Variants in SPECC1 observed in about 807,000 individuals in gnomAD.
SPECC1 encodes the protein sperm antigen with calponin homology and coiled-coil domains 1.
A neutral mutation model predicts 104.1 loss-of-function variants in SPECC1; 62 were observed. The ratio of observed to expected loss-of-function variants is 0.60; its 90% CI spans 0.49 to 0.74. The LOEUF is 0.74. Among genes scored for constraint, SPECC1 ranks in the 30% least tolerant of loss-of-function variants. The pLI is 0.00. For synonymous variants in SPECC1, 513 were observed against 501.6 expected, an observed-to-expected ratio of 1.02 and a Z score of -0.30; for missense variants, 1,306 against 1,310.5, an observed-to-expected ratio of 1.00 and a Z score of 0.05.
chr17:20,206,876 A>G (rs2036819674), intron 4 of SPECC1, among the ~76,000 whole-genome samples: 1 of 152,232 alleles, frequency 6.6e-6, no homozygotes. Flanking sequence ...ACATTGTTAT[A>G]TCATTTAAAT....
At chr17:20,158,765 C>G (rs1047449849) in intron 3 of SPECC1, among the ~76,000 whole-genome samples, 1 of 152,020 alleles carries the variant, frequency 6.6e-6, no homozygotes, top group African/African-American at 2.4e-5. Context: ...TTTTTTTGTT[C>G]TGTTTTGTTT....
intron 2 of SPECC1, 117 bp from the exon 3 acceptor site, chr17:20,110,310 C>T (rs533552346): frequency 1.6e-5 from 20 of 1,226,290 alleles, no homozygotes; most frequent in Non-Finnish European, 2.1e-5. Flanking sequence ...ACTCAAAGTG[C>T]TGTTATTGTA....
At chr17:20,238,518 T>C (rs2039042979) in intron 7 of SPECC1, 2 of 1,042,010 alleles carry the variant, frequency 1.9e-6, no homozygotes, top group Non-Finnish European at 2.3e-6. Flanking sequence ...AAAAGGAAAA[T>C]TAGGAACAGG....
In SPECC1 at chr17:20,316,052, G is replaced by A. The variant is rs1385870051; in HGVS notation, c.*1987G>A. ...AGCCTGCGGGAGCTCCTGAGCAGCT[G>A]TTGGGCGATGGTCATTACATCACCC... On this transcript the variant is annotated 3_prime_UTR_variant, in exon 15 of 15. Transcript: ENST00000395527. 1.3e-5 allele frequency: 3 copies of A among 232,604 alleles called. No individual in the cohort carries two copies. The highest frequency in any genetic ancestry group is 5.6e-5 in the Admixed American group (1 of 17,768). The allele number at this position is 232,604 out of a possible 1,614,324, so 14.4% of individuals were successfully genotyped here.
chr17:20,114,489 CTGTTTTTTTTTT>C (rs200728251), intron 3 of SPECC1, among the ~76,000 whole-genome samples: 2,097 of 150,136 alleles, frequency 0.014, 52 homozygotes, highest in African/African-American at 0.047. Context: ...GGCGCCCAGC[CTGTTTTTTTTTT>C]TGTTTTTTTT....
chr17:20,098,207 C>A (rs1437870701), intron 2 of SPECC1, among the ~76,000 whole-genome samples: 1 of 152,176 alleles, frequency 6.6e-6, no homozygotes, highest in Non-Finnish European at 1.5e-5. Context: ...CCTGCTCCCC[C>A]AAATCTTCCC....
chr17:20,167,861 CTTAAT>C lies in SPECC1; in HGVS notation c.284-36466_284-36462del, dbSNP rs2033785773. 2.6e-5 allele frequency among the ~76,000 whole-genome samples: 4 copies of C among 152,092 alleles called. No homozygotes were observed. The South Asian group carries it at 6.2e-4, about 24-fold the overall frequency. ...ATAAGATATGTACAGATGATTATTT[CTTAAT>C]TTAATAATTAACATATGCTAGAAAA... On this transcript the variant is annotated intron_variant, in intron 3 of 14. Transcript: ENST00000395527.
chr17:20,059,753 T>G (rs2046113398), intron 1 of SPECC1, among the ~76,000 whole-genome samples: 1 of 152,190 alleles, frequency 6.6e-6, no homozygotes, highest in African/African-American at 2.4e-5. Context: ...TCCCAGCTAC[T>G]TGGGAGGCTA....
intron 7 of SPECC1, chr17:20,237,993 C>G: frequency 9.9e-7 from 1 of 1,007,500 alleles, no homozygotes. Context: ...CTGGCCGCCT[C>G]AGCCTCCCAA....
chr17:20,227,655 C>A, intron 5 of SPECC1, 35 bp downstream of exon 5: 1 of 1,592,952 alleles, frequency 6.3e-7, no homozygotes, highest in South Asian at 1.1e-5. Flanking sequence ...TGGCTCACAC[C>A]TATAATCCCA....
At position 20,317,735 on chromosome 17, in the gene SPECC1, C is replaced by A. The variant is rs763304201; in HGVS notation, c.*3670C>A. ...AGCAAGACCCTGTCACACACACACA[C>A]AAAAAAAAGAAATACAGGTGGTGTT... is the stretch of plus-strand genomic sequence containing the variant. On this transcript the variant is annotated 3_prime_UTR_variant, in exon 15 of 15. Transcript: ENST00000395527. 14 of 215,938 alleles carry A rather than the reference C, an allele frequency of 6.5e-5. No individual in the cohort carries two copies. Among genetic ancestry groups the A allele is most frequent in the Middle Eastern group, 1.4e-3 (1 of 700 alleles). 13.4% of individuals were successfully genotyped at this position (215,938 alleles called of 1,614,324 possible).
At chr17:20,137,241 C>T (rs1184230720) in intron 3 of SPECC1, among the ~76,000 whole-genome samples, 2 of 152,216 alleles carry the variant, frequency 1.3e-5, no homozygotes, top group African/African-American at 2.4e-5. Context: ...GAACCGTCCC[C>T]TTTCTTCTTC....
intron 1 of SPECC1, among the ~76,000 whole-genome samples, chr17:20,033,700 G>T (rs756601041): frequency 6.6e-6 from 1 of 152,120 alleles, no homozygotes; most frequent in Non-Finnish European, 1.5e-5. Context: ...TGCAAGAATG[G>T]CACCAAACCA....
Position 20,315,261 on chromosome 17 carries a change from A to AGG in SPECC1, c.*1199_*1200dup, listed in dbSNP as rs1244842498. On this transcript the variant is annotated 3_prime_UTR_variant, in exon 15 of 15. Coordinates refer to ENST00000395527, the MANE Select transcript of SPECC1 (RefSeq NM_001243439.2). ...TTTCATCGGCATGGGAAAAGCCCTT[A>AGG]GGGGTGGGCGGTGAGGGCACATTTA... The AGG allele has an allele frequency of 4.3e-6, 1 of 232,506 alleles. No homozygotes were observed. The highest frequency in any genetic ancestry group is 6.1e-5 in the East Asian group (1 of 16,502). 14.4% of individuals were successfully genotyped at this position (232,506 alleles called of 1,614,324 possible). A position where few individuals can be genotyped will look rare whatever the true frequency, so the allele number is the denominator to read the frequency against.
intron 3 of SPECC1, among the ~76,000 whole-genome samples, chr17:20,189,651 C>T (rs1298910792): frequency 6.6e-6 from 1 of 152,144 alleles, no homozygotes; most frequent in Non-Finnish European, 1.5e-5. Flanking sequence ...TGAGCCCCTT[C>T]TTAGTGTTAG....
At chr17:20,203,280 A>T (rs62778162) in intron 3 of SPECC1, among the ~76,000 whole-genome samples, 1 of 15,352 alleles carries the variant, frequency 6.5e-5, no homozygotes. Flanking sequence ...TTCAGTTTGT[A>T]AAAAAAAAAA....
intron 12 of SPECC1, among the ~76,000 whole-genome samples, chr17:20,274,593 G>A (rs990607224): frequency 7.1e-5 from 10 of 140,512 alleles, no homozygotes; most frequent in Admixed American, 1.6e-4. Flanking sequence ...TGATTCTCCT[G>A]CCTCAGCCTC....
rs1252856974 is a variant in SPECC1 at position 20,119,235 on chromosome 17, A to AT, written c.283+8680dup. On this transcript the variant is annotated intron_variant, in intron 3 of 14. Transcript: ENST00000395527. ...ATTACATTTTGTTTCTGAAGCTTTT[A>AT]TTTTTTTAAATTTATTTTATTTTTT... is the stretch of plus-strand genomic sequence containing the variant. Among the ~76,000 whole-genome samples, 4 of 152,250 alleles carry AT rather than the reference A, an allele frequency of 2.6e-5. No individual in the cohort carries two copies. In the East Asian group the frequency reaches 7.7e-4, roughly 29 times the overall value.
intron 1 of SPECC1, among the ~76,000 whole-genome samples, chr17:20,025,094 A>G (rs2044548563): frequency 1.3e-5 from 2 of 152,194 alleles, no homozygotes; most frequent in Admixed American, 6.5e-5. Flanking sequence ...CACTTTGTGC[A>G]TAGCAATTGG....
Sources: gnomAD v4.1 joint callset for allele counts (sites outside exome capture counted in the v4.1 genomes callset) on GRCh38, gnomAD v4.1.1 for gene constraint, MANE v1.5 for transcripts, NCBI Gene and HGNC (gene_info 2026-07-23, HGNC 2026-07-21) for gene names.